The following USP15 variants were observed in gnomAD, a reference collection of about 807,000 sequenced individuals.
USP15 encodes ubiquitin carboxyl-terminal hydrolase 15.
USP15 carries 18 observed loss-of-function variants against 127.1 expected under a neutral mutation model. The observed-to-expected ratio is 0.14, with a 90% CI of 0.10 to 0.21. The LOEUF is 0.21. Ranked by LOEUF, USP15 falls within the 10% of genes least tolerant of loss-of-function variation. The pLI is 1.00. For synonymous variants in USP15, 364 were observed against 393.7 expected, an observed-to-expected ratio of 0.92 and a Z score of 0.89; for missense variants, 805 against 1,159.9, an observed-to-expected ratio of 0.69 and a Z score of 4.44.
intron 4 of USP15, among the ~76,000 whole-genome samples, chr12:62,319,123 T>G (rs946617568): frequency 2.6e-5 from 4 of 152,158 alleles, no homozygotes; most frequent in Non-Finnish European, 5.9e-5. Context: ...CTCAGGAAAC[T>G]TAACAGTCAT....
intron 19 of USP15, 96 bp downstream of exon 19, chr12:62,393,298 A>G: frequency 7.2e-7 from 1 of 1,382,358 alleles, no homozygotes; most frequent in Non-Finnish European, 9.7e-7. Flanking sequence ...ATCAGGTGCC[A>G]TTGGACCCAA....
At chr12:62,266,847 T>C (rs1277784624) in intron 1 of USP15, among the ~76,000 whole-genome samples, 1 of 152,158 alleles carries the variant, frequency 6.6e-6, no homozygotes, top group Non-Finnish European at 1.5e-5. Context: ...GCCACTATTT[T>C]AAATGCTTTA....
intron 8 of USP15, among the ~76,000 whole-genome samples, chr12:62,377,782 T>A (rs779777466): frequency 6.6e-6 from 1 of 152,090 alleles, no homozygotes; most frequent in African/African-American, 2.4e-5. Context: ...CATTGAATAC[T>A]GATATAACAT....
intron 3 of USP15, among the ~76,000 whole-genome samples, chr12:62,314,482 T>C (rs2064774268): frequency 6.6e-6 from 1 of 151,926 alleles, no homozygotes; most frequent in Non-Finnish European, 1.5e-5. Context: ...TTATAAATAC[T>C]GAATATTAAT....
intron 5 of USP15, among the ~76,000 whole-genome samples, chr12:62,324,566 A>T (rs2065076309): frequency 6.6e-6 from 1 of 151,994 alleles, no homozygotes; most frequent in African/African-American, 2.4e-5. Flanking sequence ...TCAGAATGAA[A>T]ATCAGAAAAT....
In USP15 at chr12:62,407,770, C is replaced by T. The variant is rs1296809534; in HGVS notation, c.*3395C>T. 3 of 151,896 alleles carry T rather than the reference C, an allele frequency of 2.0e-5. No homozygotes were observed. Among genetic ancestry groups the T allele is most frequent in the Admixed American group, 2.0e-4 (3 of 15,232 alleles). The allele number at this position is 151,896 out of a possible 1,614,324, so 9.4% of individuals were successfully genotyped here. A position where few individuals can be genotyped will look rare whatever the true frequency, so the allele number is the denominator to read the frequency against. ...TTGTTTGTTTGTTTAGAGACAAGGT[C>T]TCCCTCTGTCGCCCAGGCTGGAGTG... On this transcript the variant is annotated 3_prime_UTR_variant, in exon 22 of 22. Coordinates refer to ENST00000280377, the MANE Select transcript of USP15 (RefSeq NM_001252078.2).
intron 16 of USP15, 85 bp from the exon 17 acceptor site, chr12:62,391,731 A>C: frequency 8.4e-7 from 1 of 1,192,780 alleles, no homozygotes. Context: ...CTGTTTGTTT[A>C]TTCTGGTGTA....
intron 9 of USP15, among the ~76,000 whole-genome samples, chr12:62,382,375 T>C (rs1188283048): frequency 2.6e-5 from 4 of 152,024 alleles, no homozygotes; most frequent in Non-Finnish European, 5.9e-5. Context: ...TAAGTCGTTA[T>C]TTATACAAGT....
intron 3 of USP15, 129 bp from the exon 4 acceptor site, chr12:62,314,661 G>A (rs10877825): frequency 0.84 from 718,963 of 858,148 alleles, 302,219 homozygotes; most frequent in African/African-American, 0.93. Flanking sequence ...ATATATATTG[G>A]CAGGCTTTAA....
At chr12:62,356,380 AG>A (rs1287341712) in intron 8 of USP15, among the ~76,000 whole-genome samples, 1 of 151,928 alleles carries the variant, frequency 6.6e-6, no homozygotes, top group Non-Finnish European at 1.5e-5. Flanking sequence ...TCACTATCTG[AG>A]AAAAGGATGA....
Position 62,389,712 on chromosome 12 carries a change from C to T in USP15, c.1652+13C>T, listed in dbSNP as rs746303117. The T allele has an allele frequency of 1.4e-5, 22 of 1,603,638 alleles. No individual in the cohort carries two copies. Among genetic ancestry groups the T allele is most frequent in the Admixed American group, 3.4e-5 (2 of 58,348 alleles). On this transcript the variant is annotated intron_variant, in intron 13 of 21. Coordinates refer to ENST00000280377, the MANE Select transcript of USP15 (RefSeq NM_001252078.2). ...ATGATATTTATGTGTAAGTATAAAA[C>T]TCATTGTGCAAAATATTACTTGAAA... is the stretch of plus-strand genomic sequence containing the variant.
chr12:62,401,919 C>CATATATAT lies in USP15; in HGVS notation c.2763+654_2763+661dup, dbSNP rs3085019. On this transcript the variant is annotated intron_variant, in intron 21 of 21. Transcript: ENST00000280377. ...ATGCATACATATATATGTATATATA[C>CATATATAT]ATATATATATATATATACTGTTATT... is the stretch of plus-strand genomic sequence containing the variant. Among the ~76,000 whole-genome samples, 1,048 of 145,856 alleles carry CATATATAT rather than the reference C, an allele frequency of 7.2e-3. 3 individuals carry two copies. The highest frequency in any genetic ancestry group is 0.018 in the Middle Eastern group (5 of 278).
chr12:62,306,834 G>GT (rs2064498866), intron 3 of USP15, among the ~76,000 whole-genome samples: 1 of 152,128 alleles, frequency 6.6e-6, no homozygotes, highest in Non-Finnish European at 1.5e-5. Flanking sequence ...GGGTGTGACT[G>GT]TAAGTTACCT....
At chr12:62,354,474 A>G (rs1326627255) in intron 7 of USP15, among the ~76,000 whole-genome samples, 1 of 151,910 alleles carries the variant, frequency 6.6e-6, no homozygotes, top group East Asian at 1.9e-4. Context: ...TTCATCATAC[A>G]TATTTTATAA....
At chr12:62,332,069 C>T (rs1412686114) in intron 6 of USP15, among the ~76,000 whole-genome samples, 1 of 151,832 alleles carries the variant, frequency 6.6e-6, no homozygotes, top group Admixed American at 6.6e-5. Context: ...GAGGCTGAGG[C>T]CGGAGAATCA....
chr12:62,298,393 G>A (rs1405432156), intron 2 of USP15, among the ~76,000 whole-genome samples: 2 of 152,032 alleles, frequency 1.3e-5, no homozygotes, highest in Admixed American at 6.6e-5. Flanking sequence ...CCAGCCAGTC[G>A]CGATGGCTCA....
chr12:62,284,838 C>A (rs1188683023), intron 1 of USP15, among the ~76,000 whole-genome samples: 1 of 151,662 alleles, frequency 6.6e-6, no homozygotes, highest in Non-Finnish European at 1.5e-5. Context: ...TTTTTTAATG[C>A]TTTCTATCCT....
At chr12:62,341,583 A>G (rs1198676182) in intron 6 of USP15, among the ~76,000 whole-genome samples, 1 of 152,184 alleles carries the variant, frequency 6.6e-6, no homozygotes, top group African/African-American at 2.4e-5. Context: ...GGTGGTGACA[A>G]AATCCCTCTG....
intron 5 of USP15, among the ~76,000 whole-genome samples, chr12:62,325,665 A>G (rs1229466798): frequency 6.6e-6 from 1 of 152,038 alleles, no homozygotes; most frequent in Non-Finnish European, 1.5e-5. Flanking sequence ...TCTCACTATC[A>G]TTACTGATTT....
Sources: allele counts gnomAD v4.1 joint callset (sites outside exome capture counted in the v4.1 genomes callset), GRCh38; gene constraint gnomAD v4.1.1; transcripts MANE v1.5; gene names NCBI Gene and HGNC (gene_info 2026-07-23, HGNC 2026-07-21).